SDK1: variants seen among roughly 807,000 people sequenced by gnomAD.
SDK1 encodes protein sidekick-1.
SDK1 carries 157 observed loss-of-function variants against 245.5 expected under a neutral mutation model. That is an observed-to-expected ratio of 0.64 (90% CI 0.56 to 0.73). SDK1 has a LOEUF of 0.73. SDK1 is among the 30% of genes least tolerant of loss of function. The pLI is 0.00. For synonymous variants in SDK1, 1,647 were observed against 1,278.5 expected, an observed-to-expected ratio of 1.29 and a Z score of -6.15; for missense variants, 3,583 against 3,002.3, an observed-to-expected ratio of 1.19 and a Z score of -4.52.
intron 1 of SDK1, among the ~76,000 whole-genome samples, chr7:3,505,006 A>G (rs882921): frequency 0.14 from 21,177 of 152,218 alleles, 2,526 homozygotes; most frequent in African/African-American, 0.32. Context: ...TAAAATGCCC[A>G]GTGGTGATAC....
chr7:4,141,239 G>A (rs1171626760), intron 28 of SDK1, among the ~76,000 whole-genome samples: 1 of 152,252 alleles, frequency 6.6e-6, no homozygotes, highest in African/African-American at 2.4e-5. Context: ...CACCTTGGAG[G>A]ACAGAAGAGT....
chr7:4,022,298 C>T (rs1267975425), intron 17 of SDK1, among the ~76,000 whole-genome samples: 1 of 152,208 alleles, frequency 6.6e-6, no homozygotes, highest in Non-Finnish European at 1.5e-5. Flanking sequence ...AAGCCCTAGG[C>T]CAGCCAGCCT....
intron 1 of SDK1, among the ~76,000 whole-genome samples, chr7:3,550,569 A>T (rs1235136533): frequency 3.1e-4 from 47 of 152,094 alleles, no homozygotes; most frequent in Non-Finnish European, 1.5e-5. Context: ...CCTATTTATC[A>T]TATCTTTGGT....
chr7:4,137,331 G>T (rs963951284), intron 28 of SDK1, among the ~76,000 whole-genome samples: 22 of 152,218 alleles, frequency 1.4e-4, no homozygotes, highest in African/African-American at 5.1e-4. Flanking sequence ...CCGGATAGAA[G>T]TCTCCAAATT....
At chr7:3,993,125 C>A (rs529541007) in intron 14 of SDK1, among the ~76,000 whole-genome samples, 2 of 151,536 alleles carry the variant, frequency 1.3e-5, no homozygotes, top group African/African-American at 2.4e-5. Flanking sequence ...AAAATTTATT[C>A]TTTCACATGA....
chr7:4,267,479 GCC>G lies in SDK1; in HGVS notation c.*2096_*2097del, dbSNP rs956361528. On this transcript the variant is annotated 3_prime_UTR_variant, in exon 45 of 45. Transcript: ENST00000404826. Reference sequence around the variant, plus strand: ...GATGAGACTCACCACAGTGGACAGTGCCACCTCCTTCCCCTCGGCCCCGGAGA... The same window carrying G: ...GATGAGACTCACCACAGTGGACAGTGACCTCCTTCCCCTCGGCCCCGGAGA... 1.0e-4 allele frequency: 101 copies of G among 985,418 alleles called. No homozygotes were observed. In the African/African-American group the frequency reaches 1.7e-3, roughly 17 times the overall value. 61.0% of individuals were successfully genotyped at this position (985,418 alleles called of 1,614,324 possible). A position where few individuals can be genotyped will look rare whatever the true frequency, so the allele number is the denominator to read the frequency against.
intron 1 of SDK1, among the ~76,000 whole-genome samples, chr7:3,427,409 C>G (rs1779707887): frequency 6.6e-6 from 1 of 151,358 alleles, no homozygotes; most frequent in African/African-American, 2.4e-5. Flanking sequence ...AATCCAGCTA[C>G]TTGGGAGGCT....
At chr7:3,949,059 C>G (rs574285754) in intron 5 of SDK1, among the ~76,000 whole-genome samples, 5 of 152,204 alleles carry the variant, frequency 3.3e-5, no homozygotes, top group Admixed American at 1.3e-4. Context: ...CATCCGGACT[C>G]TGCCATCTTC....
chr7:4,213,899 A>G (rs559033212), intron 38 of SDK1, among the ~76,000 whole-genome samples: 2 of 152,284 alleles, frequency 1.3e-5, no homozygotes, highest in African/African-American at 2.4e-5. Flanking sequence ...TCCCGCTTAC[A>G]TGGGCATTCT....
intron 21 of SDK1, among the ~76,000 whole-genome samples, chr7:4,077,677 G>C (rs1780783167): frequency 6.6e-6 from 1 of 152,202 alleles, no homozygotes; most frequent in Non-Finnish European, 1.5e-5. Flanking sequence ...ATGGATGGCA[G>C]CAGGCAAAGA....
At chr7:3,326,079 TTAA>T (rs1477609784) in intron 1 of SDK1, among the ~76,000 whole-genome samples, 2 of 152,194 alleles carry the variant, frequency 1.3e-5, no homozygotes, top group Admixed American at 6.5e-5. Flanking sequence ...TTAATGTAAC[TTAA>T]TAAGGTAGTT....
chr7:3,967,308 C>T lies in SDK1; in HGVS notation c.1430-10C>T, dbSNP rs117925134. 2.5e-4 allele frequency: 400 copies of T among 1,603,922 alleles called. 2 individuals carry two copies. The East Asian group carries it at 8.4e-3, about 34-fold the overall frequency. ...AAGGCCCTGATCATTTCATTTACTCCTCTTCTCAGATATCGCTCCAGTGTT... is the reference window on the plus strand; with the variant it reads ...AAGGCCCTGATCATTTCATTTACTCTTCTTCTCAGATATCGCTCCAGTGTT... On this transcript the variant is annotated splice_polypyrimidine_tract_variant and intron_variant, in intron 9 of 44. Coordinates refer to ENST00000404826, the MANE Select transcript of SDK1 (RefSeq NM_152744.4).
At chr7:4,221,201 G>T (rs1264659106) in intron 39 of SDK1, 38 bp from the exon 40 acceptor site, 2 of 1,609,308 alleles carry the variant, frequency 1.2e-6, no homozygotes, top group South Asian at 2.2e-5. Context: ...GCCCCGCAGG[G>T]CTGATGCCTC....
chr7:4,117,612 G>A lies in SDK1; in HGVS notation c.3823+3338G>A, dbSNP rs939821412. On this transcript the variant is annotated intron_variant, in intron 25 of 44. Coordinates refer to ENST00000404826, the MANE Select transcript of SDK1 (RefSeq NM_152744.4). Reference sequence around the variant, plus strand: ...TGCCGCAGCTGCCCTGGGTGGGATAGGATCAGGTTGGATCTTTCCTGGTGG... The same window carrying A: ...TGCCGCAGCTGCCCTGGGTGGGATAAGATCAGGTTGGATCTTTCCTGGTGG... 6.6e-5 allele frequency among the ~76,000 whole-genome samples: 10 copies of A among 152,206 alleles called. No homozygotes were observed. The South Asian group carries it at 2.1e-3, about 31-fold the overall frequency.
chr7:3,951,982 T>A (rs1360059775), intron 7 of SDK1, 62 bp downstream of exon 7: 5 of 1,454,424 alleles, frequency 3.4e-6, no homozygotes, highest in African/African-American at 1.4e-5. Context: ...CACTGACTCT[T>A]CTGCAGAAAC....
At chr7:3,933,160 G>A (rs1780041402) in intron 5 of SDK1, among the ~76,000 whole-genome samples, 1 of 140,496 alleles carries the variant, frequency 7.1e-6, no homozygotes, top group Non-Finnish European at 1.5e-5. Context: ...AGACAGGCTG[G>A]AGTACAGTGG....
chr7:3,861,288 G>A (rs1780686296), intron 5 of SDK1, among the ~76,000 whole-genome samples: 1 of 152,222 alleles, frequency 6.6e-6, no homozygotes, highest in Non-Finnish European at 1.5e-5. Flanking sequence ...AGACATTGCT[G>A]TCATTTTACT....
chr7:3,512,515 C>A (rs1114781), intron 1 of SDK1, among the ~76,000 whole-genome samples: 3,088 of 151,990 alleles, frequency 0.02, 62 homozygotes, highest in Non-Finnish European at 0.027. Flanking sequence ...GGGTATGTTT[C>A]GTTTTGTAAG....
chr7:3,684,377 T>G (rs1392838694), intron 4 of SDK1, among the ~76,000 whole-genome samples: 1 of 152,184 alleles, frequency 6.6e-6, no homozygotes, highest in Non-Finnish European at 1.5e-5. Flanking sequence ...AAGTGCATAC[T>G]GAAGCTCACC....
Sources: allele counts gnomAD v4.1 joint callset (sites outside exome capture counted in the v4.1 genomes callset), GRCh38; gene constraint gnomAD v4.1.1; transcripts MANE v1.5; gene names NCBI Gene and HGNC (gene_info 2026-07-23, HGNC 2026-07-21).